Variants in CIITA observed in about 807,000 individuals in gnomAD.
The protein encoded by CIITA is MHC class II transactivator.
A neutral mutation model predicts 115.1 loss-of-function variants in CIITA; 72 were observed. The ratio of observed to expected loss-of-function variants is 0.63; its 90% CI spans 0.52 to 0.76. The LOEUF is 0.76. Among genes scored for constraint, CIITA ranks in the 30% least tolerant of loss-of-function variants. The probability of loss-of-function intolerance (pLI) is 0.00; values close to 1 mark genes in which losing one functional copy is unlikely to be tolerated. For missense variants in CIITA, 1,617 were observed against 1,463.8 expected, an observed-to-expected ratio of 1.10 and a Z score of -1.71; for synonymous variants, 763 against 635.6, an observed-to-expected ratio of 1.20 and a Z score of -3.02.
At position 10,867,188 on chromosome 16, in the gene CIITA, G is replaced by A. The variant is rs191500514; in HGVS notation, c.-21+869G>A. Among the ~76,000 whole-genome samples the A allele has an allele frequency of 1.7e-4, 26 of 152,116 alleles. No homozygotes were observed. In the East Asian group the frequency reaches 3.1e-3, roughly 18 times the overall value. On this transcript the variant is annotated intron_variant, in intron 1 of 5. Transcript: ENST00000636238. Reference sequence around the variant, plus strand: ...GAACTGGGAAGGCAGAGGTTGCAATGAGCCGAGATCACGCTACTGCACTCC... The same window carrying A: ...GAACTGGGAAGGCAGAGGTTGCAATAAGCCGAGATCACGCTACTGCACTCC...
intron 5 of CIITA, among the ~76,000 whole-genome samples, chr16:10,900,594 GC>G (rs1567401749): frequency 6.6e-6 from 1 of 152,078 alleles, no homozygotes; most frequent in Non-Finnish European, 1.5e-5. Flanking sequence ...ACAAAAATTA[GC>G]CAGGCGTGGT....
intron 1 of CIITA, among the ~76,000 whole-genome samples, chr16:10,884,045 C>G (rs2036678932): frequency 7.0e-6 from 1 of 142,422 alleles, no homozygotes; most frequent in Admixed American, 9.1e-5. Context: ...AGGGTTTACT[C>G]TTGGTGTTGT....
chr16:10,870,050 T>C (rs2035371005), intron 1 of CIITA, among the ~76,000 whole-genome samples: 1 of 148,542 alleles, frequency 6.7e-6, no homozygotes, highest in Non-Finnish European at 1.5e-5. Context: ...AATGCCATTA[T>C]TCCTACTTTA....
chr16:10,897,854 C>T (rs2038294037), intron 3 of CIITA, among the ~76,000 whole-genome samples: 1 of 152,158 alleles, frequency 6.6e-6, no homozygotes, highest in South Asian at 2.1e-4. Flanking sequence ...GCCATCATTC[C>T]ATTCCTCAGC....
upstream of CIITA, chr16:10,877,178 C>T (rs534993066): frequency 3.5e-5 from 25 of 712,608 alleles, no homozygotes; most frequent in African/African-American, 3.3e-4. Flanking sequence ...CTTAGCTTGG[C>T]GGGCTCCCAA....
chr16:10,933,165 C>T lies in CIITA; in HGVS notation c.*9310C>T, dbSNP rs1362836705. 1 of 152,172 alleles carries T rather than the reference C, an allele frequency of 6.6e-6. No individual in the cohort carries two copies. Among genetic ancestry groups the T allele is most frequent in the Non-Finnish European group, 1.5e-5 (1 of 68,074 alleles). 9.4% of individuals were successfully genotyped at this position (152,172 alleles called of 1,614,324 possible). ...TTTTTCCCCCTTTCTGAAACTGTAA[C>T]CTTTCATTCCAGCCATTCCCCAGAG... On this transcript the variant is annotated 3_prime_UTR_variant, in exon 20 of 20. Transcript: ENST00000324288.
In CIITA at chr16:10,931,437, T is replaced by G. The variant is rs2145333899; in HGVS notation, c.*7582T>G. 6.6e-6 allele frequency: 1 copy of G among 151,992 alleles called. No homozygotes were observed. Among genetic ancestry groups the G allele is most frequent in the African/African-American group, 2.4e-5 (1 of 41,576 alleles). The allele number at this position is 151,992 out of a possible 1,614,324, so 9.4% of individuals were successfully genotyped here. A position where few individuals can be genotyped will look rare whatever the true frequency, so the allele number is the denominator to read the frequency against. On this transcript the variant is annotated 3_prime_UTR_variant, in exon 20 of 20. Coordinates refer to ENST00000324288, the MANE Select transcript of CIITA (RefSeq NM_000246.4). Reference sequence around the variant, plus strand: ...GTAGCTGCCCTCTTGTGTGCAGATCTCCAGTCTGAATGGGCTACACGTGGA... The same window carrying G: ...GTAGCTGCCCTCTTGTGTGCAGATCGCCAGTCTGAATGGGCTACACGTGGA...
At chr16:10,916,654 G>A (rs2039969637) in intron 15 of CIITA, 195 bp downstream of exon 15, 1 of 622,646 alleles carries the variant, frequency 1.6e-6, no homozygotes, top group African/African-American at 1.8e-5. Context: ...GCTTCCCAAA[G>A]TGCTGGGATT....
At chr16:10,874,402 T>A (rs1043177795), upstream of CIITA, among the ~76,000 whole-genome samples, 1 of 152,160 alleles carries the variant, frequency 6.6e-6, no homozygotes, top group African/African-American at 2.4e-5. Flanking sequence ...CTAGAGGTTG[T>A]CATTCTGCCT....
At chr16:10,917,741 A>C (rs529488010) in intron 15 of CIITA, among the ~76,000 whole-genome samples, 1 of 152,232 alleles carries the variant, frequency 6.6e-6, no homozygotes, top group East Asian at 1.9e-4. Flanking sequence ...CAGCCTCCCA[A>C]AGTGCTGGGA....
chr16:10,875,155 T>C (rs2035746523), upstream of CIITA, among the ~76,000 whole-genome samples: 1 of 151,898 alleles, frequency 6.6e-6, no homozygotes, highest in African/African-American at 2.4e-5. Flanking sequence ...GAAAGGATTT[T>C]GCCACGTTGG....
At chr16:10,882,565 G>A (rs34776179) in intron 1 of CIITA, among the ~76,000 whole-genome samples, 52 of 151,238 alleles carry the variant, frequency 3.4e-4, no homozygotes, top group African/African-American at 1.2e-3. Flanking sequence ...CTTTTTTTAG[G>A]AAAAAAATAT....
intron 3 of CIITA, among the ~76,000 whole-genome samples, chr16:10,897,449 CCT>C (rs1262808880): frequency 6.6e-6 from 1 of 152,224 alleles, no homozygotes; most frequent in Non-Finnish European, 1.5e-5. Flanking sequence ...AAAGGCCCCA[CCT>C]CTCAATACTG....
chr16:10,904,496 C>T (rs2039001811), intron 9 of CIITA, among the ~76,000 whole-genome samples: 1 of 152,222 alleles, frequency 6.6e-6, no homozygotes, highest in Non-Finnish European at 1.5e-5. Flanking sequence ...GCTGGGATTA[C>T]AGGTGTGAGC....
rs377413273 is a variant in CIITA at position 10,895,458 on chromosome 16, G to A, written c.199+30G>A. ...GCCCTCCTCCCTCTGGTCTCTTCCG[G>A]TATCCCCCACCCCTCAGCTTGCTGT... On this transcript the variant is annotated intron_variant, in intron 2 of 19. Coordinates refer to ENST00000324288, the MANE Select transcript of CIITA (RefSeq NM_000246.4). 13 of 1,611,266 alleles carry A rather than the reference G, an allele frequency of 8.1e-6. No homozygotes were observed. In the Middle Eastern group the frequency reaches 9.9e-4, roughly 122 times the overall value.
chr16:10,870,573 C>A (rs2035414599), intron 1 of CIITA, among the ~76,000 whole-genome samples: 1 of 152,152 alleles, frequency 6.6e-6, no homozygotes, highest in Non-Finnish European at 1.5e-5. Context: ...GAAGGGGGAG[C>A]TAGGATGGGT....
intron 1 of CIITA, among the ~76,000 whole-genome samples, chr16:10,878,702 G>C (rs1482989536): frequency 6.6e-6 from 1 of 152,252 alleles, no homozygotes; most frequent in Non-Finnish European, 1.5e-5. Context: ...ACTTGCCCAA[G>C]TGGCTCCCTA....
At chr16:10,905,730 C>A (rs1386258880) in intron 10 of CIITA, among the ~76,000 whole-genome samples, 6 of 151,674 alleles carry the variant, frequency 4.0e-5, no homozygotes, top group South Asian at 2.1e-4. Flanking sequence ...CCAGTGCACT[C>A]CAGCCTGGGG....
chr16:10,900,082 A>G (rs1175541873), intron 5 of CIITA, among the ~76,000 whole-genome samples: 1 of 152,038 alleles, frequency 6.6e-6, no homozygotes, highest in Non-Finnish European at 1.5e-5. Flanking sequence ...CTCTGTCTCA[A>G]ACAACAACAA....
Sources: gnomAD v4.1 joint callset for allele counts (sites outside exome capture counted in the v4.1 genomes callset) on GRCh38, gnomAD v4.1.1 for gene constraint, MANE v1.5 for transcripts, NCBI Gene and HGNC (gene_info 2026-07-23, HGNC 2026-07-21) for gene names.